Variants in SLC17A8 observed in about 807,000 individuals in gnomAD.
SLC17A8 encodes solute carrier family 17 member 8.
Under a neutral mutation model 58.0 loss-of-function variants are expected in SLC17A8, and 31 were observed. That is an observed-to-expected ratio of 0.53 (90% confidence interval 0.40 to 0.72). The LOEUF (loss-of-function observed/expected upper bound fraction) is 0.72, where lower values mean the gene tolerates loss of function less well. SLC17A8 is among the 30% of genes least tolerant of loss of function. SLC17A8 has a pLI of 0.00. For missense variants in SLC17A8, 655 were observed against 727.8 expected, an observed-to-expected ratio of 0.90 and a Z score of 1.15; for synonymous variants, 228 against 249.0, an observed-to-expected ratio of 0.92 and a Z score of 0.79.
At chr12:100,400,700 C>A (rs1195676108) in intron 5 of SLC17A8, among the ~76,000 whole-genome samples, 1 of 152,046 alleles carries the variant, frequency 6.6e-6, no homozygotes, top group African/African-American at 2.4e-5. Flanking sequence ...AGAGTTTTTT[C>A]ATTCACAGCC....
chr12:100,371,475 GA>G (rs1330410564), intron 1 of SLC17A8, among the ~76,000 whole-genome samples: 3 of 152,230 alleles, frequency 2.0e-5, no homozygotes, highest in Non-Finnish European at 4.4e-5. Context: ...CAATAGGCTG[GA>G]TAGCAAATCT....
intron 6 of SLC17A8, 82 bp downstream of exon 6, chr12:100,401,945 T>C: frequency 9.6e-7 from 1 of 1,038,758 alleles, no homozygotes; most frequent in Non-Finnish European, 1.5e-6. Context: ...CAGAGTTCAT[T>C]ACATCAAAAT....
At chr12:100,387,079 A>C (rs1424479183) in intron 2 of SLC17A8, among the ~76,000 whole-genome samples, 1 of 152,144 alleles carries the variant, frequency 6.6e-6, no homozygotes, top group Non-Finnish European at 1.5e-5. Flanking sequence ...TGGGGGTACT[A>C]ATATCTTTTT....
chr12:100,416,808 A>T (rs1268388324), intron 10 of SLC17A8, among the ~76,000 whole-genome samples: 1 of 152,198 alleles, frequency 6.6e-6, no homozygotes, highest in African/African-American at 2.4e-5. Context: ...ATTTAACTTA[A>T]TTCCTACATC....
At chr12:100,371,937 A>T (rs1274795265) in intron 1 of SLC17A8, among the ~76,000 whole-genome samples, 1 of 152,164 alleles carries the variant, frequency 6.6e-6, no homozygotes, top group Non-Finnish European at 1.5e-5. Flanking sequence ...CTATTTGTCA[A>T]GACTATTTTG....
At chr12:100,385,066 T>C (rs1046543243) in intron 2 of SLC17A8, among the ~76,000 whole-genome samples, 27 of 151,762 alleles carry the variant, frequency 1.8e-4, no homozygotes, top group African/African-American at 6.5e-4. Flanking sequence ...AGTGCACTAT[T>C]GTCTAACTAG....
At chr12:100,400,553 G>T (rs191742103) in intron 5 of SLC17A8, among the ~76,000 whole-genome samples, 1 of 152,026 alleles carries the variant, frequency 6.6e-6, no homozygotes. Flanking sequence ...TTTCACCGAG[G>T]GTCAGGCTCA....
At chr12:100,413,590 C>A (rs1952885746) in intron 10 of SLC17A8, among the ~76,000 whole-genome samples, 1 of 152,106 alleles carries the variant, frequency 6.6e-6, no homozygotes, top group Admixed American at 6.6e-5. Flanking sequence ...GAGAGAAAGG[C>A]CAGAGTGCAA....
At chr12:100,382,990 G>C (rs1182726339) in intron 2 of SLC17A8, among the ~76,000 whole-genome samples, 1 of 152,176 alleles carries the variant, frequency 6.6e-6, no homozygotes, top group African/African-American at 2.4e-5. Flanking sequence ...TGTCCTAAAA[G>C]GATATCCTGT....
chr12:100,380,361 A>G (rs866773909), intron 1 of SLC17A8, among the ~76,000 whole-genome samples: 2 of 152,062 alleles, frequency 1.3e-5, no homozygotes, highest in African/African-American at 4.8e-5. Context: ...ATCCTACCTC[A>G]AATGACTTAG....
chr12:100,414,154 G>C (rs181258190), intron 10 of SLC17A8, among the ~76,000 whole-genome samples: 2 of 152,046 alleles, frequency 1.3e-5, no homozygotes, highest in Non-Finnish European at 2.9e-5. Flanking sequence ...ATATCACACA[G>C]TTAGTGGCAA....
rs560174808 is a variant in SLC17A8 at position 100,388,657 on chromosome 12, G to A, written c.355-2344G>A. 7.9e-5 allele frequency among the ~76,000 whole-genome samples: 12 copies of A among 152,328 alleles called. No homozygotes were observed. In the South Asian group the frequency reaches 2.1e-3, roughly 26 times the overall value. ...CTAACATTGCATTCAGGAAGCACAG[G>A]ACGAACGTTGAACAGATGGGCGGAT... On this transcript the variant is annotated intron_variant, in intron 2 of 11. Transcript: ENST00000323346.
At position 100,357,218 on chromosome 12, in the gene SLC17A8, T is replaced by G; in HGVS notation, c.-174T>G. On this transcript the variant is annotated 5_prime_UTR_variant, in exon 1 of 12. Transcript: ENST00000323346. ...AGAGAGAGGAGGGAGTTGTCTTATC[T>G]TGGAAGATCCGAGCTGGGTTTCATC... The G allele has an allele frequency of 1.6e-6, 1 of 631,566 alleles. No individual in the cohort carries two copies. Among genetic ancestry groups the G allele is most frequent in the Non-Finnish European group, 2.9e-6 (1 of 347,420 alleles). 39.1% of individuals were successfully genotyped at this position (631,566 alleles called of 1,614,324 possible). A position where few individuals can be genotyped will look rare whatever the true frequency, so the allele number is the denominator to read the frequency against.
intron 1 of SLC17A8, among the ~76,000 whole-genome samples, chr12:100,380,351 A>G (rs1253143988): frequency 6.6e-6 from 1 of 152,044 alleles, no homozygotes; most frequent in Admixed American, 6.6e-5. Context: ...TTGGGCCTCT[A>G]TCCTACCTCA....
rs200522988 is a variant in SLC17A8 at position 100,412,740 on chromosome 12, A to G, written c.1187-30A>G. The stretch of plus-strand genomic sequence containing the variant: ...TTGGGTTGACCGATATGAAAATGAC[A>G]TTTTTTTCCCTTGCTGTTTCCATTT... On this transcript the variant is annotated intron_variant, in intron 9 of 11. Coordinates refer to ENST00000323346, the MANE Select transcript of SLC17A8 (RefSeq NM_139319.3). 84 of 1,475,398 alleles carry G rather than the reference A, an allele frequency of 5.7e-5. No individual in the cohort carries two copies. In the East Asian group the frequency reaches 1.3e-3, roughly 23 times the overall value. 91.4% of individuals were successfully genotyped at this position (1,475,398 alleles called of 1,614,324 possible).
intron 1 of SLC17A8, among the ~76,000 whole-genome samples, chr12:100,369,220 G>A (rs185808813): frequency 1.2e-4 from 18 of 152,170 alleles, no homozygotes; most frequent in Admixed American, 2.0e-4. Context: ...ACGTTGCAGT[G>A]AGCCGAAATC....
chr12:100,419,993 A>G lies in SLC17A8; in HGVS notation c.1604A>G (p.Asn535Ser). The G allele has an allele frequency of 6.2e-7, 1 of 1,614,104 alleles. No homozygotes were observed. Among genetic ancestry groups the G allele is most frequent in the Non-Finnish European group, 8.5e-7 (1 of 1,179,980 alleles). Residue 535 changes from asparagine to serine, a missense_variant, in exon 12 of 12, where the codon AAC becomes AGC. Physicochemically the swap from Asn to Ser is conservative, Grantham distance 46. Coordinates refer to ENST00000323346, the MANE Select transcript of SLC17A8 (RefSeq NM_139319.3). ...QDELAEEIEL[N>S]HESFASPKKK... ...GAATTAGCTGAGGAGATAGAACTCA[A>G]CCATGAGAGTTTTGCGAGTCCCAAA...
intron 1 of SLC17A8, among the ~76,000 whole-genome samples, chr12:100,379,705 T>C (rs1262549513): frequency 6.6e-6 from 1 of 151,676 alleles, no homozygotes; most frequent in Admixed American, 6.6e-5. Context: ...TCCAATTACT[T>C]TTTTTTTAAA....
intron 2 of SLC17A8, among the ~76,000 whole-genome samples, chr12:100,384,562 T>G (rs1952659802): frequency 6.6e-6 from 1 of 152,082 alleles, no homozygotes; most frequent in South Asian, 2.1e-4. Flanking sequence ...TGAGACTCCA[T>G]CTAAACAAAC....
Sources: allele counts gnomAD v4.1 joint callset (sites outside exome capture counted in the v4.1 genomes callset), GRCh38; gene constraint gnomAD v4.1.1; transcripts MANE v1.5; gene names NCBI Gene and HGNC (gene_info 2026-07-23, HGNC 2026-07-21).